AKAP10: variants seen among roughly 807,000 people sequenced by gnomAD.
AKAP10 encodes the protein A-kinase anchor protein 10, mitochondrial.
AKAP10 carries 24 observed loss-of-function variants against 80.8 expected under a neutral mutation model. That is an observed-to-expected ratio of 0.30 (90% CI 0.22 to 0.42). AKAP10 has a LOEUF of 0.42. AKAP10 is among the 10% of genes least tolerant of loss of function. The pLI is 1.00. For missense variants in AKAP10, 661 were observed against 794.9 expected, an observed-to-expected ratio of 0.83 and a Z score of 2.03; for synonymous variants, 291 against 277.7, an observed-to-expected ratio of 1.05 and a Z score of -0.48.
intron 1 of AKAP10, among the ~76,000 whole-genome samples, chr17:19,974,247 C>G (rs564495650): frequency 6.6e-6 from 1 of 152,222 alleles, no homozygotes; most frequent in East Asian, 1.9e-4. Flanking sequence ...AACTGATGAG[C>G]AGGTTTAAAA....
At chr17:19,919,104 G>A (rs1364271231) in intron 12 of AKAP10, among the ~76,000 whole-genome samples, 3 of 120,036 alleles carry the variant, frequency 2.5e-5, no homozygotes, top group African/African-American at 9.4e-5. Flanking sequence ...AGGCCCCAGC[G>A]TGTGATGTTC....
Position 19,977,464 on chromosome 17 carries a change from C to A in AKAP10, c.88+128G>T, listed in dbSNP as rs112458729. On this transcript the variant is annotated intron_variant, in intron 1 of 14. Transcript: ENST00000225737. ...GGAGCAGAGCAAGGCACTCAGGGGG[C>A]ATCTGCGCCGAGGTCGAGGCTCGCT... 735 of 637,408 alleles carry A rather than the reference C, an allele frequency of 1.2e-3. 5 individuals are homozygous for A. The highest frequency in any genetic ancestry group is 0.011 in the African/African-American group (601 of 53,134). 39.5% of individuals were successfully genotyped at this position (637,408 alleles called of 1,614,324 possible).
At chr17:19,909,057 T>C (rs1164447975) in intron 14 of AKAP10, 124 bp downstream of exon 14, 1 of 720,576 alleles carries the variant, frequency 1.4e-6, no homozygotes, top group Non-Finnish European at 2.2e-6. Flanking sequence ...TAGTTGCTTA[T>C]GATAAGAAGG....
In AKAP10 at chr17:19,931,507, C is replaced by G. The variant is rs905641007; in HGVS notation, c.1641+298G>C. On this transcript the variant is annotated intron_variant, in intron 10 of 14. Coordinates refer to ENST00000225737, the MANE Select transcript of AKAP10 (RefSeq NM_007202.4). Reference sequence around the variant, plus strand: ...CTGGGTTCAAGCGATTCTCCTGCCTCAGCCTCCCAAGTAGCTAGGATTACA... The same window carrying G: ...CTGGGTTCAAGCGATTCTCCTGCCTGAGCCTCCCAAGTAGCTAGGATTACA... 2.6e-5 allele frequency among the ~76,000 whole-genome samples: 4 copies of G among 151,674 alleles called. No homozygotes were observed. In the East Asian group the frequency reaches 7.8e-4, roughly 29 times the overall value.
Position 19,931,928 on chromosome 17 carries a change from A to G in AKAP10, c.1518T>C (p.Asn506=). The G allele has an allele frequency of 6.2e-7, 1 of 1,614,064 alleles. No individual in the cohort carries two copies. The highest frequency in any genetic ancestry group is 8.5e-7 in the Non-Finnish European group (1 of 1,179,982). ...CTCCTCGAACCGAATGGATGAGATC[A>G]TTCAAATATTTATAATAAAGATTGC... ...LSSNLYYKYL[N]DLIHSVRGDE... is the part of the protein sequence containing the mutation. The change falls in exon 10 of 15, where the codon AAT becomes AAC. Residue 506 remains asparagine (N), a synonymous_variant. Transcript: ENST00000225737.
rs1439738807 is a variant in AKAP10 at position 19,941,922 on chromosome 17, G to T, written c.977-12C>A. ...TCCACAAATCCTTGCTGCAAAAGAAGTTGTAAATAATTAAATTGCCACTAA... is the reference window on the plus strand; with the variant it reads ...TCCACAAATCCTTGCTGCAAAAGAATTTGTAAATAATTAAATTGCCACTAA... On this transcript the variant is annotated splice_polypyrimidine_tract_variant and intron_variant, in intron 5 of 14. Coordinates refer to ENST00000225737, the MANE Select transcript of AKAP10 (RefSeq NM_007202.4). 6.2e-7 allele frequency: 1 copy of T among 1,606,758 alleles called. No individual in the cohort carries two copies. Among genetic ancestry groups the T allele is most frequent in the East Asian group, 2.2e-5 (1 of 44,648 alleles).
At chr17:19,924,361 C>T (rs532995371) in intron 11 of AKAP10, 47 bp downstream of exon 11, 121 of 1,321,250 alleles carry the variant, frequency 9.2e-5, no homozygotes, top group Non-Finnish European at 1.2e-4. Context: ...TTAAAAGATG[C>T]AAAGTTATTT....
chr17:19,914,622 C>T lies in AKAP10; in HGVS notation c.1835-4644G>A, dbSNP rs142294874. On this transcript the variant is annotated intron_variant, in intron 12 of 14. Coordinates refer to ENST00000225737, the MANE Select transcript of AKAP10 (RefSeq NM_007202.4). ...CCAGCCTGGGCAACAGAGCAAGACC[C>T]TATCTCAAAAAAAAAAAAAAAAAAA... is the stretch of plus-strand genomic sequence containing the variant. 3.2e-3 allele frequency among the ~76,000 whole-genome samples: 342 copies of T among 108,454 alleles called. 1 individual carries two copies. The highest frequency in any genetic ancestry group is 0.012 in the African/African-American group (326 of 26,354). The allele number at this position is 108,454 out of a possible 152,430, so 71.2% of individuals were successfully genotyped here. A position where few individuals can be genotyped will look rare whatever the true frequency, so the allele number is the denominator to read the frequency against.
rs531237709 is a variant in AKAP10, at chr17:19,973,804, G to A, written c.88+3788C>T. On this transcript the variant is annotated intron_variant, in intron 1 of 14. Coordinates refer to ENST00000225737, the MANE Select transcript of AKAP10 (RefSeq NM_007202.4). ...AGATGGTGAGACGTGGTAGGATTTCGATATGTGTGAGGTAGACCTAACAGA... is the reference window on the plus strand; with the variant it reads ...AGATGGTGAGACGTGGTAGGATTTCAATATGTGTGAGGTAGACCTAACAGA... Among the ~76,000 whole-genome samples the A allele has an allele frequency of 3.9e-5, 6 of 152,330 alleles. No homozygotes were observed. The East Asian group carries it at 9.6e-4, about 24-fold the overall frequency.
chr17:19,923,358 G>T (rs550313108), intron 11 of AKAP10, among the ~76,000 whole-genome samples: 1 of 152,116 alleles, frequency 6.6e-6, no homozygotes, highest in Non-Finnish European at 1.5e-5. Flanking sequence ...GATTACAGGC[G>T]TGAGCCACCG....
intron 10 of AKAP10, 147 bp downstream of exon 10, chr17:19,931,658 T>C: frequency 1.1e-6 from 1 of 923,724 alleles, no homozygotes; most frequent in Non-Finnish European, 1.5e-6. Context: ...CCCAAAGTGC[T>C]GGGATTACAG....
chr17:19,954,395 C>T (rs1214672524), intron 4 of AKAP10, among the ~76,000 whole-genome samples: 2 of 150,466 alleles, frequency 1.3e-5, no homozygotes, highest in Non-Finnish European at 3.0e-5. Flanking sequence ...TAAAAATAAA[C>T]AAAAAACAAA....
intron 12 of AKAP10, among the ~76,000 whole-genome samples, chr17:19,917,278 AAAAC>A (rs1247954603): frequency 4.6e-5 from 7 of 152,082 alleles, no homozygotes; most frequent in South Asian, 2.1e-4. Context: ...AAAAAAAAAC[AAAAC>A]AAACAAACAA....
intron 14 of AKAP10, among the ~76,000 whole-genome samples, chr17:19,907,407 T>G (rs203465): frequency 0.42 from 61,991 of 147,426 alleles, 14,005 homozygotes; most frequent in African/African-American, 0.57. Flanking sequence ...TTGTTTTCTT[T>G]AACTTTTTTT....
At chr17:19,959,779 A>C (rs1359635699) in intron 3 of AKAP10, among the ~76,000 whole-genome samples, 1 of 152,188 alleles carries the variant, frequency 6.6e-6, no homozygotes, top group Non-Finnish European at 1.5e-5. Context: ...TTGATATTCA[A>C]ATCATTTTTT....
chr17:19,928,353 G>A (rs1003704691), intron 10 of AKAP10, among the ~76,000 whole-genome samples: 4 of 152,218 alleles, frequency 2.6e-5, no homozygotes. Flanking sequence ...CATCAGAGAA[G>A]TGCAAAAACC....
chr17:19,923,705 T>C (rs530674711), intron 11 of AKAP10, among the ~76,000 whole-genome samples: 2 of 152,152 alleles, frequency 1.3e-5, no homozygotes, highest in Non-Finnish European at 2.9e-5. Context: ...TTTTTGTATT[T>C]TTAGTAGAGA....
rs2042621282 is a variant in AKAP10 at position 19,905,291 on chromosome 17, G to C, written c.*936C>G. The C allele has an allele frequency of 6.6e-6, 1 of 151,908 alleles. No homozygotes were observed. The highest frequency in any genetic ancestry group is 2.4e-5 in the African/African-American group (1 of 41,332). The allele number at this position is 151,908 out of a possible 1,614,324, so 9.4% of individuals were successfully genotyped here. Reference sequence around the variant, plus strand: ...CTTTCCAGCTCACAGCAAAGAATGGGGGAGGCAGTCAAAGTCAAATGTTTC... The same window carrying C: ...CTTTCCAGCTCACAGCAAAGAATGGCGGAGGCAGTCAAAGTCAAATGTTTC... On this transcript the variant is annotated 3_prime_UTR_variant, in exon 15 of 15. Transcript: ENST00000225737.
chr17:19,909,411 G>A (rs373342170), intron 13 of AKAP10, 135 bp from the exon 14 acceptor site: 11 of 765,098 alleles, frequency 1.4e-5, no homozygotes, highest in South Asian at 1.3e-4. Flanking sequence ...TCCCATGTAC[G>A]AAAAAACCTG....
Sources: gnomAD v4.1 joint callset for allele counts (sites outside exome capture counted in the v4.1 genomes callset) on GRCh38, gnomAD v4.1.1 for gene constraint, MANE v1.5 for transcripts, NCBI Gene and HGNC (gene_info 2026-07-23, HGNC 2026-07-21) for gene names.